CEP152: variants seen among roughly 807,000 people sequenced by gnomAD.
The protein encoded by CEP152 is centrosomal protein 152.
CEP152 carries 132 observed loss-of-function variants against 188.9 expected under a neutral mutation model. The observed-to-expected ratio is 0.70, with a 90% CI of 0.61 to 0.81. The LOEUF (loss-of-function observed/expected upper bound fraction) is 0.81. Ranked by LOEUF, CEP152 falls within the 30% of genes least tolerant of loss-of-function variation. The pLI, the probability that CEP152 is intolerant of heterozygous loss-of-function variation, is 0.00. For missense variants in CEP152, 1,914 were observed against 1,969.8 expected (o/e 0.97, Z 0.54); for synonymous variants, 649 against 666.6 (o/e 0.97, Z 0.41).
intron 1 of CEP152, among the ~76,000 whole-genome samples, chr15:48,806,478 G>C (rs951545993): frequency 6.6e-6 from 1 of 151,248 alleles, no homozygotes; most frequent in Non-Finnish European, 1.5e-5. Context: ...CAACAAAAAA[G>C]TAGGCAGGTG....
chr15:48,756,690 T>C, intron 19 of CEP152, 137 bp from the exon 20 acceptor site: 1 of 791,682 alleles, frequency 1.3e-6, no homozygotes. Context: ...TGATTTTAGA[T>C]AAGACATTAT....
intron 1 of CEP152, among the ~76,000 whole-genome samples, chr15:48,809,466 GAAGA>G (rs1254424554): frequency 2.0e-5 from 3 of 152,200 alleles, no homozygotes; most frequent in Middle Eastern, 3.4e-3. Flanking sequence ...CTTTTCCTAA[GAAGA>G]AAGGATAGTT....
rs190162256 is a variant in CEP152 at position 48,739,338 on chromosome 15, G to A, written c.4094-50C>T. On this transcript the variant is annotated intron_variant, in intron 26 of 26. Transcript: ENST00000380950. ...ATTAAGAGAAAATTAATATTTAAAG[G>A]GAAGATTCATCCTTGAACAAAAAAA... The A allele has an allele frequency of 6.5e-3, 10,063 of 1,541,148 alleles. 47 individuals are homozygous for A. Among genetic ancestry groups the A allele is most frequent in the Non-Finnish European group, 7.4e-3 (8,484 of 1,151,910 alleles).
chr15:48,765,066 A>C lies in CEP152; in HGVS notation c.2280+1994T>G, dbSNP rs182849574. ...AGATTAGACAGTCTCCTAAATATAAAGATGTTTCAGTTCTGACTGGCTTAT... is the reference window on the plus strand; with the variant it reads ...AGATTAGACAGTCTCCTAAATATAACGATGTTTCAGTTCTGACTGGCTTAT... On this transcript the variant is annotated intron_variant, in intron 17 of 26. Coordinates refer to ENST00000380950, the MANE Select transcript of CEP152 (RefSeq NM_001194998.2). Among the ~76,000 whole-genome samples the C allele has an allele frequency of 2.7e-3, 417 of 152,278 alleles. 1 individual carries two copies. Among genetic ancestry groups the C allele is most frequent in the African/African-American group, 9.5e-3 (395 of 41,558 alleles).
downstream of CEP152, among the ~76,000 whole-genome samples, chr15:48,734,111 C>T (rs1431363073): frequency 1.3e-5 from 2 of 151,794 alleles, no homozygotes; most frequent in Non-Finnish European, 2.9e-5. Flanking sequence ...ATATAAAGAA[C>T]TATAAATATA....
chr15:48,779,533 AAT>A (rs1402336000), intron 12 of CEP152, among the ~76,000 whole-genome samples: 1 of 152,238 alleles, frequency 6.6e-6, no homozygotes, highest in Non-Finnish European at 1.5e-5. Context: ...AATGATGCCT[AAT>A]ATATGTTAGA....
Position 48,793,304 on chromosome 15 carries a change from A to C in CEP152, c.832+17T>G, listed in dbSNP as rs1897101573. 1 of 1,613,338 alleles carries C rather than the reference A, an allele frequency of 6.2e-7. No homozygotes were observed. Among genetic ancestry groups the C allele is most frequent in the Admixed American group, 1.7e-5 (1 of 60,004 alleles). ...TAACTCAGTGTACCTCATAAATGAC[A>C]GCATCCAGCATCTTACCTTTTATTA... On this transcript the variant is annotated intron_variant, in intron 7 of 26. Transcript: ENST00000380950.
At position 48,756,406 on chromosome 15, in the gene CEP152, C is replaced by CCA; in HGVS notation, c.2840_2841dup (p.Val948TrpfsTer7). On this transcript the variant is annotated frameshift_variant, in exon 20 of 27. Coordinates refer to ENST00000380950, the MANE Select transcript of CEP152 (RefSeq NM_001194998.2). LOFTEE classifies it high-confidence loss of function. ...GCCTTAGCTAACTCAGCCCTGATGA[C>CCA]CACAGGGACTTCTTCGTTCTTTAAC... 2 of 1,612,836 alleles carry CCA rather than the reference C, an allele frequency of 1.2e-6. No individual in the cohort carries two copies. The highest frequency in any genetic ancestry group is 1.7e-6 in the Non-Finnish European group (2 of 1,179,296).
At chr15:48,800,896 C>T (rs1038359524) in intron 2 of CEP152, among the ~76,000 whole-genome samples, 1 of 152,062 alleles carries the variant, frequency 6.6e-6, no homozygotes, top group African/African-American at 2.4e-5. Flanking sequence ...ACTTTGTTAA[C>T]AAAACACTTT....
intron 5 of CEP152, 81 bp from the exon 6 acceptor site, chr15:48,796,241 T>C: frequency 6.6e-7 from 1 of 1,512,124 alleles, no homozygotes; most frequent in Non-Finnish European, 9.1e-7. Context: ...AAATTAATGT[T>C]ACGTTACAGA....
chr15:48,737,488 T>A (rs1188323184), downstream of CEP152, among the ~76,000 whole-genome samples: 1 of 152,204 alleles, frequency 6.6e-6, no homozygotes. Flanking sequence ...TATAAATGAA[T>A]GTAAAAATCT....
At position 48,768,991 on chromosome 15, in the gene CEP152, T is replaced by G; in HGVS notation, c.1873A>C (p.Lys625Gln). The G allele has an allele frequency of 1.3e-6, 2 of 1,581,096 alleles. No homozygotes were observed. The highest frequency in any genetic ancestry group is 2.3e-5 in the South Asian group (2 of 88,176). The change falls in exon 14 of 27, where the codon AAA becomes CAA. Residue 625 changes from lysine (K) to glutamine (Q), a missense_variant. Transcript: ENST00000380950. ...DVVRDDILLL[K>Q]NEIQVLQQQN... ...TGTTGTAAAACTTGAATTTCATTTTTAAGCAGCAGAATATCATCTCTGACA... is the reference window on the plus strand; with the variant it reads ...TGTTGTAAAACTTGAATTTCATTTTGAAGCAGCAGAATATCATCTCTGACA...
intron 1 of CEP152, among the ~76,000 whole-genome samples, chr15:48,806,252 G>A (rs1424087102): frequency 1.3e-5 from 2 of 151,074 alleles, no homozygotes; most frequent in African/African-American, 4.8e-5. Flanking sequence ...GGGAAAAACA[G>A]AAGTGAAGGC....
intron 18 of CEP152, 56 bp downstream of exon 18, chr15:48,762,335 T>G (rs2140714401): frequency 6.7e-7 from 1 of 1,495,216 alleles, no homozygotes; most frequent in South Asian, 1.1e-5. Context: ...TTGTATGGGT[T>G]TTCATTAAGA....
At position 48,788,997 on chromosome 15, in the gene CEP152, A is replaced by G. The variant is rs1896845091; in HGVS notation, c.977T>C (p.Ile326Thr). ...QALKVNEEQMIKKSRTTEMAL... is the reference protein window; with the variant it reads ...QALKVNEEQMTKKSRTTEMAL... Reference sequence around the variant, plus strand: ...CATTTCAGTTGTTCTGGACTTCTTGATCATCTAGTAAATACACACAGGATA... The same window carrying G: ...CATTTCAGTTGTTCTGGACTTCTTGGTCATCTAGTAAATACACACAGGATA... Residue 326 changes from isoleucine to threonine, a missense_variant, in exon 9 of 27, where the codon ATC (isoleucine) becomes ACC (threonine). Ile to Thr is a moderately conservative substitution (Grantham distance 89). Coordinates refer to ENST00000380950, the MANE Select transcript of CEP152 (RefSeq NM_001194998.2). 1 of 1,613,618 alleles carries G rather than the reference A, an allele frequency of 6.2e-7. No homozygotes were observed. The highest frequency in any genetic ancestry group is 1.1e-5 in the South Asian group (1 of 91,082).
In CEP152 at chr15:48,741,652, A is replaced by G. The variant is rs776461027; in HGVS notation, c.4042T>C (p.Leu1348=). Residue 1348 remains leucine (L), a synonymous_variant, in exon 26 of 27, where the codon TTA becomes CTA. Transcript: ENST00000380950. ...TTACTAGAAATAGGTGTTTCCAGTA[A>G]TTTTGCCATTGTAGCAAGTTTGCTA... is the stretch of plus-strand genomic sequence containing the variant. The part of the protein sequence containing the change: ...AASKLATMAK[L]LETPISSKSQ... 1.2e-6 allele frequency: 2 copies of G among 1,614,132 alleles called. No homozygotes were observed. The highest frequency in any genetic ancestry group is 2.2e-5 in the South Asian group (2 of 91,074).
In CEP152 at chr15:48,738,357, G is replaced by A. The variant is rs1362718288; in HGVS notation, c.5025C>T (p.Ser1675=). The change falls in exon 27 of 27, where the codon AGC becomes AGT. Residue 1675 remains serine, a synonymous_variant. Transcript: ENST00000380950. ...DRLKSDFKKL[S]STLPSSVCQQ... ...GACACACTGAAGATGGTAATGTACT[G>A]CTCAGTTTTTTGAAATCTGACTTTA... The A allele has an allele frequency of 3.1e-6, 5 of 1,614,116 alleles. No individual in the cohort carries two copies. The highest frequency in any genetic ancestry group is 1.3e-5 in the African/African-American group (1 of 75,036).
chr15:48,767,420 G>C lies in CEP152; in HGVS notation c.2062C>G (p.Gln688Glu). The C allele has an allele frequency of 2.5e-6, 4 of 1,614,116 alleles. No homozygotes were observed. The highest frequency in any genetic ancestry group is 3.4e-6 in the Non-Finnish European group (4 of 1,180,002). ...TTTGCTAATAGGCTTTCACGTATTTGAGTTTTCATGGCTTCATGGTGCTGC... is the reference window on the plus strand; with the variant it reads ...TTTGCTAATAGGCTTTCACGTATTTCAGTTTTCATGGCTTCATGGTGCTGC... Reference protein sequence around the residue: ...YQQHHEAMKTQIRESLLAKHA... With the variant: ...YQQHHEAMKTEIRESLLAKHA... The change falls in exon 16 of 27, where the codon CAA becomes GAA. Residue 688 changes from glutamine to glutamate, a missense_variant. By Grantham distance (29) the Gln-to-Glu change is conservative. Coordinates refer to ENST00000380950, the MANE Select transcript of CEP152 (RefSeq NM_001194998.2).
At chr15:48,741,511 C>T in intron 26 of CEP152, 90 bp downstream of exon 26, 3 of 1,608,130 alleles carry the variant, frequency 1.9e-6, no homozygotes, top group Non-Finnish European at 2.5e-6. Context: ...ACTCTCACTC[C>T]TTACCTTCCC....
Sources: allele counts gnomAD v4.1 joint callset (sites outside exome capture counted in the v4.1 genomes callset), GRCh38; gene constraint gnomAD v4.1.1; transcripts MANE v1.5; gene names NCBI Gene and HGNC (gene_info 2026-07-23, HGNC 2026-07-21).